The following CCDC68 variants were observed in gnomAD, a reference collection of about 807,000 sequenced individuals.
CCDC68 encodes the protein coiled-coil domain containing 68, also known as coiled-coil domain-containing protein 68.
CCDC68 carries 45 observed loss-of-function variants against 47.1 expected under a neutral mutation model. That is an observed-to-expected ratio of 0.96 (90% CI 0.75 to 1.23). The LOEUF (loss-of-function observed/expected upper bound fraction) is 1.23. Among genes scored for constraint, CCDC68 ranks in the 50% most tolerant of loss-of-function variants. The probability of loss-of-function intolerance (pLI) is 0.00; values close to 1 mark genes in which losing one functional copy is unlikely to be tolerated. For synonymous variants in CCDC68, 131 were observed against 129.5 expected, an observed-to-expected ratio of 1.01 and a Z score of -0.08; for missense variants, 353 against 373.6, an observed-to-expected ratio of 0.94 and a Z score of 0.45.
intron 2 of CCDC68, among the ~76,000 whole-genome samples, chr18:54,945,085 A>T (rs953158703): frequency 6.6e-6 from 1 of 152,224 alleles, no homozygotes; most frequent in Non-Finnish European, 1.5e-5. Flanking sequence ...ACCTACTGAC[A>T]TATTTGCAGG....
rs969689549 is a variant in CCDC68 at position 54,901,935 on chromosome 18, G to C, written c.*2423C>G. On this transcript the variant is annotated 3_prime_UTR_variant, in exon 12 of 12. Transcript: ENST00000591504. ...TATTTCAAATGATAATTTTATGATA[G>C]TGGATATAGGAAACAATCCATACAT... is the stretch of plus-strand genomic sequence containing the variant. The C allele has an allele frequency of 1.3e-5, 2 of 151,578 alleles. No homozygotes were observed. The highest frequency in any genetic ancestry group is 4.9e-5 in the African/African-American group (2 of 41,152). 9.4% of individuals were successfully genotyped at this position (151,578 alleles called of 1,614,324 possible).
chr18:54,905,903 G>C (rs1363157316), intron 11 of CCDC68, among the ~76,000 whole-genome samples: 1 of 152,168 alleles, frequency 6.6e-6, no homozygotes, highest in Non-Finnish European at 1.5e-5. Context: ...TCTCATAGGT[G>C]CACGAACCCC....
chr18:54,928,042 C>A (rs1470339484), intron 8 of CCDC68, among the ~76,000 whole-genome samples: 1 of 152,140 alleles, frequency 6.6e-6, no homozygotes, highest in South Asian at 2.1e-4. Context: ...TCTAGGATGA[C>A]AAACTAAGAT....
chr18:54,927,766 T>C (rs2044169800), intron 8 of CCDC68, among the ~76,000 whole-genome samples: 1 of 152,242 alleles, frequency 6.6e-6, no homozygotes. Context: ...TATCCTAGTA[T>C]GTTTCAAATG....
At chr18:54,950,750 A>G (rs1181409657) in intron 1 of CCDC68, among the ~76,000 whole-genome samples, 4 of 134,642 alleles carry the variant, frequency 3.0e-5, no homozygotes, top group Admixed American at 8.0e-5. Context: ...TGCCCAAATT[A>G]ATCATTACTT....
intron 10 of CCDC68, among the ~76,000 whole-genome samples, chr18:54,915,203 T>C (rs891418070): frequency 2.0e-5 from 3 of 152,242 alleles, no homozygotes; most frequent in African/African-American, 7.2e-5. Flanking sequence ...TGATTCGCTG[T>C]TGGAACAGCT....
rs545506818 is a variant in CCDC68 at position 54,911,989 on chromosome 18, A to G, written c.874-4127T>C. Among the ~76,000 whole-genome samples, 32 of 152,320 alleles carry G rather than the reference A, an allele frequency of 2.1e-4. No homozygotes were observed. In the South Asian group the frequency reaches 6.4e-3, roughly 31 times the overall value. ...ACAGTATATGCATGAGTTTTATTTA[A>G]AAACTACAAATCACTGGCCAGAATA... is the stretch of plus-strand genomic sequence containing the variant. On this transcript the variant is annotated intron_variant, in intron 10 of 11. Transcript: ENST00000591504.
At chr18:54,935,321 A>T (rs1279635131) in intron 6 of CCDC68, among the ~76,000 whole-genome samples, 1 of 152,234 alleles carries the variant, frequency 6.6e-6, no homozygotes, top group Non-Finnish European at 1.5e-5. Context: ...TTTTATGTTT[A>T]ATTAGAAAGT....
intron 8 of CCDC68, 140 bp from the exon 9 acceptor site, chr18:54,919,516 C>A: frequency 1.5e-6 from 1 of 646,872 alleles, no homozygotes. Flanking sequence ...CATTATGCCA[C>A]ATAGGACACA....
At chr18:54,920,597 G>A (rs1004379380) in intron 8 of CCDC68, among the ~76,000 whole-genome samples, 5 of 152,070 alleles carry the variant, frequency 3.3e-5, no homozygotes, top group African/African-American at 7.2e-5. Context: ...TTCATATAAT[G>A]GACTAAAACA....
intron 10 of CCDC68, among the ~76,000 whole-genome samples, chr18:54,908,204 C>T (rs367656910): frequency 5.3e-5 from 8 of 152,258 alleles, no homozygotes; most frequent in African/African-American, 1.9e-4. Flanking sequence ...TAAAGATACC[C>T]ACAATATCAA....
intron 10 of CCDC68, among the ~76,000 whole-genome samples, chr18:54,908,660 T>A (rs1215866666): frequency 6.6e-6 from 1 of 152,184 alleles, no homozygotes; most frequent in Non-Finnish European, 1.5e-5. Context: ...ATACGTCAAG[T>A]GCTCAGCTAG....
chr18:54,907,601 G>A (rs557017205), intron 11 of CCDC68, among the ~76,000 whole-genome samples, 185 bp downstream of exon 11: 1 of 152,318 alleles, frequency 6.6e-6, no homozygotes, highest in East Asian at 1.9e-4. Flanking sequence ...TAGTATTTCT[G>A]TGTTAGGCTT....
chr18:54,952,712 TCC>T (rs2044639222), intron 1 of CCDC68, among the ~76,000 whole-genome samples: 1 of 152,058 alleles, frequency 6.6e-6, no homozygotes, highest in African/African-American at 2.4e-5. Flanking sequence ...TGAATACAAC[TCC>T]TCATTAAGAA....
intron 1 of CCDC68, among the ~76,000 whole-genome samples, chr18:54,950,746 A>AATTAATC: frequency 7.2e-6 from 1 of 138,702 alleles, no homozygotes; most frequent in East Asian, 2.3e-4. Flanking sequence ...ATATTGCCCA[A>AATTAATC]ATTAATCATT....
chr18:54,934,151 A>G (rs1010503451), intron 7 of CCDC68, among the ~76,000 whole-genome samples: 7 of 152,218 alleles, frequency 4.6e-5, no homozygotes, highest in African/African-American at 1.4e-4. Flanking sequence ...AATAAAAAAT[A>G]TTCCTTGATT....
At chr18:54,921,647 T>A (rs2044063136) in intron 8 of CCDC68, among the ~76,000 whole-genome samples, 1 of 152,176 alleles carries the variant, frequency 6.6e-6, no homozygotes, top group Non-Finnish European at 1.5e-5. Flanking sequence ...AGAACACGCG[T>A]CAAGCGTGCT....
At chr18:54,905,804 C>T (rs370481348) in intron 11 of CCDC68, among the ~76,000 whole-genome samples, 15 of 152,172 alleles carry the variant, frequency 9.9e-5, no homozygotes, top group African/African-American at 2.2e-4. Flanking sequence ...GGCAAGAGGG[C>T]GAAGCTTCAT....
chr18:54,948,088 G>A (rs557246251), intron 1 of CCDC68, among the ~76,000 whole-genome samples: 1 of 152,168 alleles, frequency 6.6e-6, no homozygotes, highest in Non-Finnish European at 1.5e-5. Flanking sequence ...AAATGCCTGT[G>A]ATGGGTTGAA....
Sources: gnomAD v4.1 joint callset for allele counts (sites outside exome capture counted in the v4.1 genomes callset) on GRCh38, gnomAD v4.1.1 for gene constraint, MANE v1.5 for transcripts, NCBI Gene and HGNC (gene_info 2026-07-23, HGNC 2026-07-21) for gene names.